Variants in P2RY8 observed in about 807,000 individuals in gnomAD.
P2RY8 encodes the protein S-geranylgeranyl-glutathione receptor P2RY8.
P2RY8 carries 6 observed loss-of-function variants against 10.0 expected under a neutral mutation model. The ratio of observed to expected loss-of-function variants is 0.60; its 90% CI spans 0.33 to 1.19. The LOEUF (loss-of-function observed/expected upper bound fraction) is 1.19. Ranked by LOEUF, P2RY8 falls within the 50% of genes most tolerant of loss-of-function variation. P2RY8 has a pLI of 0.04. For synonymous variants in P2RY8, 276 were observed against 252.5 expected (o/e 1.09, Z -0.88); for missense variants, 456 against 542.0 (o/e 0.84, Z 1.58).
At chrX:1,477,290 T>TATATCAATC (rs1406278332) in intron 1 of P2RY8, among the ~76,000 whole-genome samples, 3 of 152,202 alleles carry the variant, frequency 2.0e-5, no homozygotes, top group Non-Finnish European at 4.4e-5. Flanking sequence ...ATCTATCATC[T>TATATCAATC]ATCTATATCA....
intron 1 of P2RY8, among the ~76,000 whole-genome samples, chrX:1,524,592 TC>T (rs2092421340): frequency 2.2e-5 from 3 of 139,496 alleles, no homozygotes; most frequent in Non-Finnish European, 4.7e-5. Context: ...CATCCATCCA[TC>T]CATTCATCCA....
intron 1 of P2RY8, among the ~76,000 whole-genome samples, chrX:1,514,319 C>T (rs1280761279): frequency 6.9e-6 from 1 of 144,394 alleles, no homozygotes; most frequent in African/African-American, 2.5e-5. Flanking sequence ...CTTTTCCTTT[C>T]CTTTCCATTT....
At chrX:1,535,072 T>A (rs1268833181) in intron 1 of P2RY8, among the ~76,000 whole-genome samples, 1 of 149,976 alleles carries the variant, frequency 6.7e-6, no homozygotes, top group African/African-American at 2.5e-5. Context: ...TCTTGTGGGG[T>A]GGGGGAGGCC....
At chrX:1,474,595 GA>G (rs2091853229) in intron 1 of P2RY8, among the ~76,000 whole-genome samples, 1 of 139,760 alleles carries the variant, frequency 7.2e-6, no homozygotes, top group Non-Finnish European at 1.6e-5. Context: ...TGGATGGATG[GA>G]TGGATGGATG....
At chrX:1,506,855 T>G (rs1836680481) in intron 1 of P2RY8, among the ~76,000 whole-genome samples, 1 of 151,922 alleles carries the variant, frequency 6.6e-6, no homozygotes. Flanking sequence ...TTTTTGTATT[T>G]TTAGTAGAGA....
At chrX:1,485,132 A>G (rs753479621) in intron 1 of P2RY8, among the ~76,000 whole-genome samples, 1 of 149,594 alleles carries the variant, frequency 6.7e-6, no homozygotes, top group African/African-American at 2.5e-5. Flanking sequence ...CCCAGCCCTT[A>G]GTAATGTCTT....
At chrX:1,498,861 T>C (rs2092146421) in intron 1 of P2RY8, among the ~76,000 whole-genome samples, 1 of 150,798 alleles carries the variant, frequency 6.6e-6, no homozygotes, top group Admixed American at 6.6e-5. Flanking sequence ...TGAGATGGAG[T>C]CTCACTCTTG....
At chrX:1,524,776 T>C (rs868748168) in intron 1 of P2RY8, among the ~76,000 whole-genome samples, 13 of 89,006 alleles carry the variant, frequency 1.5e-4, no homozygotes, top group South Asian at 3.2e-4. Context: ...CATCCATCCA[T>C]CCATCCACTC....
intron 1 of P2RY8, among the ~76,000 whole-genome samples, chrX:1,526,350 C>CTACTCAGTCATCCATCCATT (rs1488582774): frequency 2.0e-5 from 3 of 151,836 alleles, no homozygotes; most frequent in Non-Finnish European, 4.4e-5. Flanking sequence ...ATCCATCCAT[C>CTACTCAGTCATCCATCCATT]TACTCAGTCA....
rs146871958 is a variant in P2RY8, at chrX:1,496,576, G to C, written c.-24-29994C>G. 1.3e-3 allele frequency among the ~76,000 whole-genome samples: 201 copies of C among 152,152 alleles called. 1 individual carries two copies. The East Asian group carries it at 0.021, about 16-fold the overall frequency. ...CTATTTTCCTGGAGGGAACAGGCTG[G>C]GAAGGAAGGTGGTGTCCCCTTAAAA... On this transcript the variant is annotated intron_variant, in intron 1 of 1. Coordinates refer to ENST00000381297, the MANE Select transcript of P2RY8 (RefSeq NM_178129.5).
At chrX:1,486,349 G>GC (rs1157853257) in intron 1 of P2RY8, among the ~76,000 whole-genome samples, 1 of 152,076 alleles carries the variant, frequency 6.6e-6, no homozygotes. Flanking sequence ...ACACAACGTG[G>GC]CCCCCCCATG....
intron 1 of P2RY8, among the ~76,000 whole-genome samples, chrX:1,526,598 T>G (rs754277749): frequency 1.3e-5 from 2 of 152,096 alleles, no homozygotes; most frequent in East Asian, 3.9e-4. Flanking sequence ...CTTTAATCAT[T>G]CACCCATTTA....
At chrX:1,495,955 G>A (rs142795637) in intron 1 of P2RY8, among the ~76,000 whole-genome samples, 2,842 of 150,374 alleles carry the variant, frequency 0.019, 83 homozygotes, top group African/African-American at 0.065. Flanking sequence ...GGGAGAAGTC[G>A]ATGTCTCTAA....
rs1556686043 is a variant in P2RY8 at position 1,524,669 on chromosome X, T to TCGTC, written c.-25+12251_-25+12252insGACG. 3.7e-4 allele frequency among the ~76,000 whole-genome samples: 19 copies of TCGTC among 51,098 alleles called. 1 individual carries two copies. Among genetic ancestry groups the TCGTC allele is most frequent in the African/African-American group, 1.5e-3 (19 of 12,276 alleles). 33.5% of individuals were successfully genotyped at this position (51,098 alleles called of 152,430 possible). A position where few individuals can be genotyped will look rare whatever the true frequency, so the allele number is the denominator to read the frequency against. On this transcript the variant is annotated intron_variant, in intron 1 of 1. Coordinates refer to ENST00000381297, the MANE Select transcript of P2RY8 (RefSeq NM_178129.5). ...TACATCCATCCATCCATCCATCCAT[T>TCGTC]CATCCATCCATCCATCCATCCATCC...
intron 1 of P2RY8, among the ~76,000 whole-genome samples, chrX:1,507,765 C>G (rs1192432188): frequency 6.6e-6 from 1 of 152,164 alleles, no homozygotes. Context: ...TACACTACCC[C>G]TGTGGTGACG....
At position 1,535,693 on chromosome X, in the gene P2RY8, C is replaced by CCACA. The variant is rs779177116; in HGVS notation, c.-25+1224_-25+1227dup. 7.6e-4 allele frequency among the ~76,000 whole-genome samples: 96 copies of CCACA among 126,082 alleles called. No individual in the cohort carries two copies. In the East Asian group the frequency reaches 0.012, roughly 16 times the overall value. 82.7% of individuals were successfully genotyped at this position (126,082 alleles called of 152,430 possible). A position where few individuals can be genotyped will look rare whatever the true frequency, so the allele number is the denominator to read the frequency against. ...AAGATAACAACATGGGAAGAAACAA[C>CCACA]CACACACACACACACACACACAGAC... On this transcript the variant is annotated intron_variant, in intron 1 of 1. Transcript: ENST00000381297.
chrX:1,492,110 C>G (rs1191551191), intron 1 of P2RY8, among the ~76,000 whole-genome samples: 2 of 152,132 alleles, frequency 1.3e-5, no homozygotes, highest in Admixed American at 6.5e-5. Flanking sequence ...GTGTGGTTCT[C>G]CAGGACTGCC....
rs2091972045 is a variant in P2RY8, at chrX:1,484,750, AAGAAG to A, written c.-24-18173_-24-18169del. On this transcript the variant is annotated intron_variant, in intron 1 of 1. Coordinates refer to ENST00000381297, the MANE Select transcript of P2RY8 (RefSeq NM_178129.5). ...AAAAAAAAAAAAAAAAAAAAAAAAG[AAGAAG>A]AAGAAGAAGAAGCGGCAGCTGGGGA... Among the ~76,000 whole-genome samples, 28 of 89,404 alleles carry A rather than the reference AAGAAG, an allele frequency of 3.1e-4. 1 individual carries two copies. In the South Asian group the frequency reaches 3.9e-3, roughly 12 times the overall value. 58.7% of individuals were successfully genotyped at this position (89,404 alleles called of 152,430 possible).
chrX:1,506,937 A>T (rs1156987488), intron 1 of P2RY8, among the ~76,000 whole-genome samples: 1 of 151,866 alleles, frequency 6.6e-6, no homozygotes, highest in East Asian at 1.9e-4. Context: ...AGGCCTCCCA[A>T]AGTGCTGGGA....
Sources: gnomAD v4.1 joint callset for allele counts (sites outside exome capture counted in the v4.1 genomes callset) on GRCh38, gnomAD v4.1.1 for gene constraint, MANE v1.5 for transcripts, NCBI Gene and HGNC (gene_info 2026-07-23, HGNC 2026-07-21) for gene names.